The following CSTPP1 variants were observed in gnomAD, a reference collection of about 807,000 sequenced individuals.
CSTPP1 encodes the protein centriolar satellite-associated tubulin polyglutamylase complex regulator 1.
At chr11:47,016,821 G>T in the CSTPP1 span, among the ~76,000 whole-genome samples, 2 of 145,166 alleles carry the variant, frequency 1.4e-5, no homozygotes, top group East Asian at 4.0e-4. Flanking sequence ...AATTATATGT[G>T]TACTTTTTCA....
chr11:46,944,322 A>G, the CSTPP1 span, among the ~76,000 whole-genome samples: 1 of 151,934 alleles, frequency 6.6e-6, no homozygotes, highest in Non-Finnish European at 1.5e-5. Flanking sequence ...CTTCTCAAAA[A>G]AAAAAAAAAA....
chr11:47,020,493 G>GT, the CSTPP1 span, among the ~76,000 whole-genome samples: 25 of 148,284 alleles, frequency 1.7e-4, no homozygotes, highest in South Asian at 2.1e-4. Context: ...ATCTCTTGTG[G>GT]TTTTTTTTTT....
At chr11:46,937,255 A>G in the CSTPP1 span, among the ~76,000 whole-genome samples, 12 of 152,222 alleles carry the variant, frequency 7.9e-5, no homozygotes, top group African/African-American at 2.9e-4. Context: ...TTCATGCATC[A>G]TTCTTCATTT....
chr11:47,016,806 T>TA, the CSTPP1 span, among the ~76,000 whole-genome samples: 1 of 151,436 alleles, frequency 6.6e-6, no homozygotes, highest in Non-Finnish European at 1.5e-5. Flanking sequence ...TATAAAAACT[T>TA]ACCAAATTAT....
At chr11:47,086,420 A>C in the CSTPP1 span, among the ~76,000 whole-genome samples, 4 of 151,942 alleles carry the variant, frequency 2.6e-5, no homozygotes, top group Admixed American at 2.6e-4. Flanking sequence ...AAATTTTTTA[A>C]AAAGAATAAA....
At chr11:47,160,589 T>C in the CSTPP1 span, 1 of 154,154 alleles carries the variant, frequency 6.5e-6, no homozygotes, top group Non-Finnish European at 1.4e-5. Flanking sequence ...CTGAAAAAGA[T>C]TTGGAAAAAG....
the CSTPP1 span, among the ~76,000 whole-genome samples, chr11:46,955,965 C>T: frequency 5.6e-5 from 8 of 142,928 alleles, no homozygotes; most frequent in South Asian, 2.2e-4. Flanking sequence ...CCAGCCTGGG[C>T]GACAGAGCGA....
At chr11:47,121,319 AC>A in the CSTPP1 span, among the ~76,000 whole-genome samples, 1 of 152,086 alleles carries the variant, frequency 6.6e-6, no homozygotes. Context: ...ATGTCTTGGA[AC>A]CCTGTAAGTT....
the CSTPP1 span, chr11:47,155,276 G>A: frequency 1.9e-6 from 3 of 1,598,624 alleles, no homozygotes; most frequent in Non-Finnish European, 2.6e-6. Flanking sequence ...GTGTTCCGGG[G>A]CTCCATCTGG....
the CSTPP1 span, among the ~76,000 whole-genome samples, chr11:47,088,929 A>G: frequency 2.0e-5 from 3 of 152,334 alleles, no homozygotes; most frequent in East Asian, 5.8e-4. Context: ...TGACAACCTA[A>G]AAGTGATATT....
At chr11:47,140,485 C>G in the CSTPP1 span, among the ~76,000 whole-genome samples, 1 of 152,104 alleles carries the variant, frequency 6.6e-6, no homozygotes, top group Non-Finnish European at 1.5e-5. Flanking sequence ...GGCAGTGGTG[C>G]AATCTTGGCT....
At chr11:46,949,635 T>C in the CSTPP1 span, among the ~76,000 whole-genome samples, 1 of 152,238 alleles carries the variant, frequency 6.6e-6, no homozygotes, top group Middle Eastern at 3.4e-3. Flanking sequence ...TATAAATTTT[T>C]TCTTATCTTT....
At chr11:46,967,189 C>T in the CSTPP1 span, among the ~76,000 whole-genome samples, 1 of 152,090 alleles carries the variant, frequency 6.6e-6, no homozygotes, top group Non-Finnish European at 1.5e-5. Context: ...AGTTTTAGCT[C>T]TTACATTTAG....
At chr11:47,154,814 T>G in the CSTPP1 span, 1 of 326,554 alleles carries the variant, frequency 3.1e-6, no homozygotes, top group Non-Finnish European at 5.8e-6. Context: ...ATTTACTGCT[T>G]AAGTATATGA....
At chr11:46,970,292 A>G in the CSTPP1 span, among the ~76,000 whole-genome samples, 434 of 152,016 alleles carry the variant, frequency 2.9e-3, 2 homozygotes, top group African/African-American at 9.9e-3. Flanking sequence ...GCCAAAGAAC[A>G]AATCTATTTA....
At chr11:47,041,806 C>A in the CSTPP1 span, 1 of 464,182 alleles carries the variant, frequency 2.2e-6, no homozygotes. Flanking sequence ...GATCAGAATA[C>A]TTTCATGCCC....
the CSTPP1 span, among the ~76,000 whole-genome samples, chr11:47,048,329 A>G: frequency 6.6e-6 from 1 of 152,296 alleles, no homozygotes; most frequent in Admixed American, 6.5e-5. Flanking sequence ...TTAAAAAGAA[A>G]ATAAATTTAT....
chr11:47,107,511 A>G, the CSTPP1 span, among the ~76,000 whole-genome samples: 1 of 152,076 alleles, frequency 6.6e-6, no homozygotes, highest in East Asian at 1.9e-4. Flanking sequence ...AACCTAATGA[A>G]TGCAGTCCAC....
chr11:47,002,651 A>G, the CSTPP1 span, among the ~76,000 whole-genome samples: 1 of 151,990 alleles, frequency 6.6e-6, no homozygotes, highest in African/African-American at 2.4e-5. Flanking sequence ...GCCTTCTACA[A>G]GTTAAGAGAA....
Sources: gnomAD v4.1 joint callset for allele counts (sites outside exome capture counted in the v4.1 genomes callset) on GRCh38, gnomAD v4.1.1 for gene constraint, MANE v1.5 for transcripts, NCBI Gene and HGNC (gene_info 2026-07-23, HGNC 2026-07-21) for gene names.